The following EVA1C variants were observed in gnomAD, a reference collection of about 807,000 sequenced individuals.
The protein encoded by EVA1C is protein eva-1 homolog C.
Under a neutral mutation model 45.4 loss-of-function variants are expected in EVA1C, and 25 were observed. The ratio of observed to expected loss-of-function variants is 0.55; its 90% CI spans 0.40 to 0.77. EVA1C has a LOEUF of 0.77. Ranked by LOEUF, EVA1C falls within the 30% of genes least tolerant of loss-of-function variation. EVA1C has a pLI of 0.00. For missense variants in EVA1C, 479 were observed against 554.8 expected (o/e 0.86, Z 1.37); for synonymous variants, 190 against 221.2 (o/e 0.86, Z 1.25).
Position 32,481,090 on chromosome 21 carries a change from T to G in EVA1C, c.634+13242T>G, listed in dbSNP as rs536731255. On this transcript the variant is annotated intron_variant, in intron 4 of 7. Transcript: ENST00000300255. ...GGTTAATAGCTTTTTTTCTTGATGG[T>G]GGGATTTACTAGGGCTTTTTCCCCC... Among the ~76,000 whole-genome samples, 4 of 152,300 alleles carry G rather than the reference T, an allele frequency of 2.6e-5. No homozygotes were observed. In the South Asian group the frequency reaches 8.3e-4, roughly 32 times the overall value.
chr21:32,413,035 G>C (rs76961987), intron 1 of EVA1C, 22 bp downstream of exon 1: 2 of 1,371,706 alleles, frequency 1.5e-6, no homozygotes, highest in South Asian at 1.9e-5. Context: ...CTCCCTGGCT[G>C]TGTGCCCCCG....
intron 1 of EVA1C, among the ~76,000 whole-genome samples, chr21:32,449,178 C>T (rs550019904): frequency 1.3e-5 from 2 of 152,268 alleles, no homozygotes; most frequent in Admixed American, 6.5e-5. Context: ...AACCTGAGTG[C>T]GATATTTGTC....
Position 32,514,868 on chromosome 21 carries a change from C to G in EVA1C, c.1004C>G (p.Ala335Gly), listed in dbSNP as rs766699657. The change falls in exon 8 of 8, where the codon GCC becomes GGC. Residue 335 changes from alanine to glycine, a missense_variant. Ala to Gly is a moderately conservative substitution (Grantham distance 60, BLOSUM62 0). This residue lies in a region of EVA1C where 366 missense variants were observed against 426.1 expected (regional missense o/e 0.86). Transcript: ENST00000300255. ...LFVSSVCIGL[A>G]LTLCALVIRE... ...GTGTCCAGTGTCTGCATCGGCCTGG[C>G]CCTCACACTGTGCGCCCTGGTCATC... 1 of 1,611,472 alleles carries G rather than the reference C, an allele frequency of 6.2e-7. No individual in the cohort carries two copies. The highest frequency in any genetic ancestry group is 1.3e-5 in the African/African-American group (1 of 74,856).
In EVA1C at chr21:32,478,834, C is replaced by T. The variant is rs1005616656; in HGVS notation, c.634+10986C>T. Among the ~76,000 whole-genome samples the T allele has an allele frequency of 2.6e-5, 4 of 152,330 alleles. No homozygotes were observed. In the South Asian group the frequency reaches 8.3e-4, roughly 32 times the overall value. Reference sequence around the variant, plus strand: ...GTGAGCTCCAGGGATTCTGCTATTTCCTTAATAAGAAGATGAGAAAAACCA... The same window carrying T: ...GTGAGCTCCAGGGATTCTGCTATTTTCTTAATAAGAAGATGAGAAAAACCA... On this transcript the variant is annotated intron_variant, in intron 4 of 7. Coordinates refer to ENST00000300255, the MANE Select transcript of EVA1C (RefSeq NM_058187.5).
intron 7 of EVA1C, among the ~76,000 whole-genome samples, chr21:32,504,456 T>C (rs1224428581): frequency 6.6e-6 from 1 of 152,152 alleles, no homozygotes; most frequent in East Asian, 1.9e-4. Flanking sequence ...TTCCTAATAG[T>C]TGTCAAGGAT....
rs1164078878 is a variant in EVA1C, at chr21:32,463,713, TCATGA to T, written c.482-3978_482-3974del. ...AAGAGATGTGGCTAATAAATGCGTT[TCATGA>T]CATGCCTTAAACAAAACAAAACAAA... On this transcript the variant is annotated intron_variant, in intron 3 of 7. Transcript: ENST00000300255. Among the ~76,000 whole-genome samples, 5 of 150,940 alleles carry T rather than the reference TCATGA, an allele frequency of 3.3e-5. No homozygotes were observed. In the Admixed American group the frequency reaches 3.3e-4, roughly 10 times the overall value.
intron 3 of EVA1C, 40 bp from the exon 4 acceptor site, chr21:32,467,656 G>C: frequency 6.4e-7 from 1 of 1,574,424 alleles, no homozygotes; most frequent in East Asian, 2.3e-5. Context: ...TTCCTTCTGG[G>C]GGAAGCTGAT....
chr21:32,468,565 T>C (rs1453051440), intron 4 of EVA1C, among the ~76,000 whole-genome samples: 1 of 152,012 alleles, frequency 6.6e-6, no homozygotes, highest in Non-Finnish European at 1.5e-5. Flanking sequence ...CTATAGACTG[T>C]CTGCAAGCTG....
At chr21:32,460,067 G>T (rs112278140) in intron 3 of EVA1C, among the ~76,000 whole-genome samples, 1 of 152,142 alleles carries the variant, frequency 6.6e-6, no homozygotes, top group Non-Finnish European at 1.5e-5. Context: ...CATGACTATC[G>T]TGTGAGGTTT....
intron 4 of EVA1C, among the ~76,000 whole-genome samples, chr21:32,471,678 G>C (rs76839584): frequency 0.14 from 21,704 of 149,788 alleles, 1,824 homozygotes; most frequent in East Asian, 0.25. Context: ...CCCCAGGCTA[G>C]AGTGCAGCGG....
intron 4 of EVA1C, among the ~76,000 whole-genome samples, chr21:32,479,760 G>A (rs538178816): frequency 2.6e-5 from 4 of 152,074 alleles, no homozygotes; most frequent in South Asian, 2.1e-4. Context: ...AGACCAGCCT[G>A]GGCAACATAG....
chr21:32,487,719 C>CA (rs61448371), intron 4 of EVA1C, among the ~76,000 whole-genome samples: 309 of 119,540 alleles, frequency 2.6e-3, no homozygotes, highest in Middle Eastern at 4.6e-3. Flanking sequence ...GACTCCATCT[C>CA]AAAAAAAAAA....
At chr21:32,477,649 G>C (rs1265547514) in intron 4 of EVA1C, among the ~76,000 whole-genome samples, 1 of 151,624 alleles carries the variant, frequency 6.6e-6, no homozygotes, top group Admixed American at 6.6e-5. Flanking sequence ...ACGGCAGCTG[G>C]CTTCCCCCAG....
At chr21:32,487,710 A>C in intron 4 of EVA1C, among the ~76,000 whole-genome samples, 1 of 142,096 alleles carries the variant, frequency 7.0e-6, no homozygotes. Context: ...ACAGAGTGAG[A>C]CTCCATCTCA....
intron 1 of EVA1C, among the ~76,000 whole-genome samples, chr21:32,426,738 G>C (rs893525919): frequency 3.9e-5 from 6 of 152,142 alleles, no homozygotes; most frequent in African/African-American, 1.4e-4. Flanking sequence ...GAGGCCTCAA[G>C]ACTGCAGAGC....
At chr21:32,426,011 A>T (rs2034474002) in intron 1 of EVA1C, among the ~76,000 whole-genome samples, 1 of 152,084 alleles carries the variant, frequency 6.6e-6, no homozygotes, top group South Asian at 2.1e-4. Context: ...GACAGCTCTG[A>T]AAGACTCTCT....
intron 4 of EVA1C, among the ~76,000 whole-genome samples, chr21:32,484,333 C>A (rs1300520760): frequency 6.6e-6 from 1 of 152,056 alleles, no homozygotes; most frequent in Non-Finnish European, 1.5e-5. Flanking sequence ...ACCTTAGGGT[C>A]AAGGGCTGGA....
intron 3 of EVA1C, among the ~76,000 whole-genome samples, chr21:32,459,612 C>T (rs183582966): frequency 3.3e-5 from 5 of 151,782 alleles, no homozygotes; most frequent in South Asian, 2.1e-4. Flanking sequence ...GAGGCTGAGG[C>T]GGGTAGATCA....
intron 4 of EVA1C, among the ~76,000 whole-genome samples, chr21:32,488,723 T>C (rs921463809): frequency 3.9e-5 from 6 of 152,080 alleles, no homozygotes; most frequent in Non-Finnish European, 7.4e-5. Flanking sequence ...GTAGCTGGGA[T>C]TACAGGCACA....
Sources: gnomAD v4.1 joint callset for allele counts (sites outside exome capture counted in the v4.1 genomes callset) on GRCh38, gnomAD v4.1.1 for gene constraint, gnomAD v4.1.1 regional missense constraint, MANE v1.5 for transcripts, NCBI Gene and HGNC (gene_info 2026-07-23, HGNC 2026-07-21) for gene names.